The following ESYT2 variants were observed in gnomAD, a reference collection of about 807,000 sequenced individuals.
ESYT2 encodes extended synaptotagmin-2.
In ESYT2, 54 loss-of-function variants were observed where a neutral mutation model predicts 107.2. The ratio of observed to expected loss-of-function variants is 0.50; its 90% CI spans 0.40 to 0.63. The LOEUF (loss-of-function observed/expected upper bound fraction) is 0.63, where lower values mean the gene tolerates loss of function less well. Ranked by LOEUF, ESYT2 falls within the 30% of genes least tolerant of loss-of-function variation. The probability of loss-of-function intolerance (pLI) is 0.00; values close to 1 mark genes in which losing one functional copy is unlikely to be tolerated. For synonymous variants in ESYT2, 491 were observed against 434.1 expected (o/e 1.13, Z -1.63); for missense variants, 1,020 against 1,094.5 (o/e 0.93, Z 0.96).
chr7:158,743,702 C>G, intron 16 of ESYT2, 24 bp from the exon 17 acceptor site: 2 of 1,598,720 alleles, frequency 1.3e-6, no homozygotes, highest in South Asian at 2.2e-5. Context: ...GGTGGAAACA[C>G]TGGCATAACT....
At chr7:158,826,211 C>A (rs1369461298) in intron 1 of ESYT2, among the ~76,000 whole-genome samples, 1 of 152,064 alleles carries the variant, frequency 6.6e-6, no homozygotes, top group African/African-American at 2.4e-5. Context: ...GTATATTACA[C>A]TTTTAATAAA....
At chr7:158,795,142 CG>C (rs769071541) in intron 3 of ESYT2, among the ~76,000 whole-genome samples, 15 of 152,202 alleles carry the variant, frequency 9.9e-5, no homozygotes, top group Non-Finnish European at 2.2e-4. Context: ...GCCCAGCTGC[CG>C]GGAGTCTTGG....
chr7:158,806,138 G>A (rs1171603898), intron 1 of ESYT2, among the ~76,000 whole-genome samples: 2 of 146,938 alleles, frequency 1.4e-5, no homozygotes, highest in African/African-American at 5.4e-5. Flanking sequence ...GGAGGTGCCG[G>A]GGCACACCGC....
At chr7:158,783,471 G>GCAGATCTGGGCTGTTGGTAA (rs1235441735) in intron 6 of ESYT2, among the ~76,000 whole-genome samples, 6 of 152,176 alleles carry the variant, frequency 3.9e-5, no homozygotes, top group Non-Finnish European at 7.4e-5. Context: ...TTTTTATTTA[G>GCAGATCTGGGCTGTTGGTAA]CAGATCTGGG....
rs1563609232 is a variant in ESYT2 at position 158,731,698 on chromosome 7, C to G, written c.*2509G>C. ...AACCCACATGTACGAGCTAACAGAG[C>G]TGCACTTCAAATTTACTAAGTTAAT... On this transcript the variant is annotated 3_prime_UTR_variant, in exon 23 of 23. Coordinates refer to ENST00000275418, the MANE Select transcript of ESYT2 (RefSeq NM_001367773.1). The G allele has an allele frequency of 6.5e-6, 1 of 152,692 alleles. No homozygotes were observed. Among genetic ancestry groups the G allele is most frequent in the Non-Finnish European group, 1.5e-5 (1 of 68,052 alleles). 9.5% of individuals were successfully genotyped at this position (152,692 alleles called of 1,614,324 possible).
At position 158,791,071 on chromosome 7, in the gene ESYT2, C is replaced by T. The variant is rs569566941; in HGVS notation, c.584+2579G>A. ...CCGGACCATTTTTCAACTTGCAAAA[C>T]GAACACTCTCCCCCCATTAAACACT... On this transcript the variant is annotated intron_variant, in intron 4 of 22. Transcript: ENST00000275418. 2.6e-5 allele frequency among the ~76,000 whole-genome samples: 4 copies of T among 152,280 alleles called. No homozygotes were observed. In the South Asian group the frequency reaches 8.3e-4, roughly 32 times the overall value.
Position 158,749,619 on chromosome 7 carries a change from C to A in ESYT2, c.1557+30G>T, listed in dbSNP as rs182531864. ...ACGGACAGCGCCCGCACGACAGGCA[C>A]CAAGGCTGAGTCCAGGGCGAGCACC... On this transcript the variant is annotated intron_variant, in intron 15 of 22. Transcript: ENST00000275418. 22 of 1,612,044 alleles carry A rather than the reference C, an allele frequency of 1.4e-5. No individual in the cohort carries two copies. The East Asian group carries it at 4.7e-4, about 34-fold the overall frequency.
chr7:158,744,624 A>T (rs1337111619), intron 16 of ESYT2, among the ~76,000 whole-genome samples: 1 of 152,206 alleles, frequency 6.6e-6, no homozygotes, highest in Non-Finnish European at 1.5e-5. Flanking sequence ...TCAGCCTCCC[A>T]AAGTACTGAG....
chr7:158,759,272 C>T (rs1837876234), intron 13 of ESYT2, among the ~76,000 whole-genome samples: 1 of 152,236 alleles, frequency 6.6e-6, no homozygotes, highest in Admixed American at 6.5e-5. Flanking sequence ...ATGTACTGCA[C>T]AAATCCAGCT....
rs538999670 is a variant in ESYT2, at chr7:158,735,544, T to C, written c.2464A>G (p.Ser822Gly). 3.7e-6 allele frequency: 6 copies of C among 1,614,160 alleles called. No individual in the cohort carries two copies. The African/African-American group carries it at 5.3e-5, about 14-fold the overall frequency. The change falls in exon 21 of 23, where the codon AGT becomes GGT. Residue 822 changes from serine (S) to glycine (G), a missense_variant. Ser to Gly is a moderately conservative substitution (Grantham distance 56). Transcript: ENST00000275418. ...RRTLDVAVKN[S>G]GGFLSKDKGL... ...TTGTCTTTGGACAGGAAGCCGCCAC[T>C]GTTCTTCACGGCAACGTCGAGCGTT...
At chr7:158,818,145 C>CA (rs1840197048) in intron 1 of ESYT2, among the ~76,000 whole-genome samples, 1 of 152,120 alleles carries the variant, frequency 6.6e-6, no homozygotes, top group African/African-American at 2.4e-5. Flanking sequence ...CACTTATTCA[C>CA]AAAAGGAAGT....
intron 16 of ESYT2, 128 bp from the exon 17 acceptor site, chr7:158,743,806 T>A: frequency 9.0e-7 from 1 of 1,112,714 alleles, no homozygotes; most frequent in East Asian, 3.2e-5. Context: ...AGGGGCCAGG[T>A]GGGGTGGCTC....
Position 158,763,155 on chromosome 7 carries a change from T to A in ESYT2, c.1112A>T (p.Tyr371Phe). ...CTCTAATTCTTGTCCAGGATGTTCA[T>A]ACACTAAAGCCTAAAACATCAATGG... ...KWNEVYEALV[Y>F]EHPGQELEIE... The change falls in exon 10 of 23, where the codon TAT becomes TTT. Residue 371 changes from tyrosine (Y) to phenylalanine (F), a missense_variant. By Grantham distance (22) the Tyr-to-Phe change is conservative. Coordinates refer to ENST00000275418, the MANE Select transcript of ESYT2 (RefSeq NM_001367773.1). The A allele has an allele frequency of 1.2e-6, 2 of 1,612,684 alleles. No individual in the cohort carries two copies. Among genetic ancestry groups the A allele is most frequent in the Non-Finnish European group, 1.7e-6 (2 of 1,179,230 alleles).
At chr7:158,772,242 C>T (rs540994885) in intron 7 of ESYT2, among the ~76,000 whole-genome samples, 14 of 152,196 alleles carry the variant, frequency 9.2e-5, no homozygotes, top group South Asian at 4.1e-4. Context: ...GCTTTCTTTC[C>T]GCAGATCTTT....
intron 6 of ESYT2, among the ~76,000 whole-genome samples, chr7:158,778,673 C>T (rs1035503287): frequency 2.5e-4 from 38 of 152,174 alleles, no homozygotes; most frequent in African/African-American, 7.2e-4. Flanking sequence ...GGCACTGTCT[C>T]TCCAGCTAAC....
chr7:158,782,130 C>T (rs1180481260), intron 6 of ESYT2, among the ~76,000 whole-genome samples: 5 of 24,834 alleles, frequency 2.0e-4, no homozygotes, highest in East Asian at 1.4e-3. Flanking sequence ...AGTGTAAGAA[C>T]GAGAACAAGT....
chr7:158,818,320 A>G (rs1436610099), intron 1 of ESYT2, among the ~76,000 whole-genome samples: 1 of 152,254 alleles, frequency 6.6e-6, no homozygotes, highest in African/African-American at 2.4e-5. Flanking sequence ...AAGGCAAGGA[A>G]GAGGAGTGCC....
In ESYT2 at chr7:158,785,471, A is replaced by AAATC. The variant is rs1554419836; in HGVS notation, c.747+2529_747+2532dup. 1.3e-3 allele frequency among the ~76,000 whole-genome samples: 174 copies of AAATC among 137,554 alleles called. 2 individuals are homozygous for AAATC. In the East Asian group the frequency reaches 0.03, roughly 24 times the overall value. The allele number at this position is 137,554 out of a possible 152,430, so 90.2% of individuals were successfully genotyped here. A position where few individuals can be genotyped will look rare whatever the true frequency, so the allele number is the denominator to read the frequency against. On this transcript the variant is annotated intron_variant, in intron 6 of 22. Coordinates refer to ENST00000275418, the MANE Select transcript of ESYT2 (RefSeq NM_001367773.1). ...TAAATAAATAAATAAATAAATAAAT[A>AAATC]AATCACCTCCAGTGTCAGGACTAAA...
intron 1 of ESYT2, among the ~76,000 whole-genome samples, chr7:158,814,137 G>T (rs1840069650): frequency 6.6e-6 from 1 of 151,720 alleles, no homozygotes; most frequent in Non-Finnish European, 1.5e-5. Flanking sequence ...AGTCGGGCGT[G>T]GTGGTGGACG....
Sources: gnomAD v4.1 joint callset for allele counts (sites outside exome capture counted in the v4.1 genomes callset) on GRCh38, gnomAD v4.1.1 for gene constraint, MANE v1.5 for transcripts, NCBI Gene and HGNC (gene_info 2026-07-23, HGNC 2026-07-21) for gene names.